The following ADGRA3 variants were observed in gnomAD, a reference collection of about 807,000 sequenced individuals.
ADGRA3 encodes the protein G-protein coupled receptor 125.
ADGRA3 carries 56 observed loss-of-function variants against 119.8 expected under a neutral mutation model. The ratio of observed to expected loss-of-function variants is 0.47; its 90% CI spans 0.38 to 0.58. The LOEUF is 0.58. Among genes scored for constraint, ADGRA3 ranks in the 20% least tolerant of loss-of-function variants. The probability of loss-of-function intolerance (pLI) is 0.00; values close to 1 mark genes in which losing one functional copy is unlikely to be tolerated. For missense variants in ADGRA3, 1,516 were observed against 1,649.0 expected (o/e 0.92, Z 1.40); for synonymous variants, 607 against 623.8 (o/e 0.97, Z 0.40).
At chr4:22,418,500 T>A (rs756776593) in intron 12 of ADGRA3, among the ~76,000 whole-genome samples, 1 of 152,052 alleles carries the variant, frequency 6.6e-6, no homozygotes, top group Non-Finnish European at 1.5e-5. Flanking sequence ...GTAGGAGAAT[T>A]AGCACAAGCC....
At position 22,435,416 on chromosome 4, in the gene ADGRA3, A is replaced by C. The variant is rs1560315396; in HGVS notation, c.1338T>G (p.Ala446=). ...AAAAGTTGGCTGCTTCCACAGTGTAAGCCAGTAACTGTCGAGCTGTTGCCA... is the reference window on the plus strand; with the variant it reads ...AAAAGTTGGCTGCTTCCACAGTGTACGCCAGTAACTGTCGAGCTGTTGCCA... ...NAVATARQLL[A]YTVEAANFSD... Residue 446 remains alanine, a synonymous_variant, in exon 10 of 19, where the codon GCT becomes GCG. Transcript: ENST00000334304. The C allele has an allele frequency of 2.5e-6, 4 of 1,612,158 alleles. No individual in the cohort carries two copies. The highest frequency in any genetic ancestry group is 3.4e-6 in the Non-Finnish European group (4 of 1,178,440).
chr4:22,515,704 C>T lies in ADGRA3; in HGVS notation c.81G>A (p.Leu27=). The T allele has an allele frequency of 9.4e-7, 1 of 1,069,322 alleles. No homozygotes were observed. The highest frequency in any genetic ancestry group is 4.3e-5 in the South Asian group (1 of 23,254). The allele number at this position is 1,069,322 out of a possible 1,614,324, so 66.2% of individuals were successfully genotyped here. ...CGCCGCCGCCGCCGCCGCCTCCCAG[C>T]AGCGCGAGCAGCGCTAACAGCGAGA... The part of the protein sequence containing the change: ...LPLSLLALLA[L]LGGGGGGGAA... Residue 27 remains leucine (L), a synonymous_variant, in exon 1 of 19, where the codon CTG becomes CTA. Coordinates refer to ENST00000334304, the MANE Select transcript of ADGRA3 (RefSeq NM_145290.4).
intron 1 of ADGRA3, among the ~76,000 whole-genome samples, chr4:22,483,301 A>G (rs1322557447): frequency 6.6e-5 from 10 of 152,180 alleles, no homozygotes; most frequent in African/African-American, 2.4e-4. Context: ...AAGGTCCCAC[A>G]ACATCTGTGC....
At chr4:22,449,348 C>T (rs1042498828) in intron 4 of ADGRA3, among the ~76,000 whole-genome samples, 1 of 151,792 alleles carries the variant, frequency 6.6e-6, no homozygotes, top group Non-Finnish European at 1.5e-5. Flanking sequence ...TGAAGCTATC[C>T]CATTTTAAAT....
intron 14 of ADGRA3, among the ~76,000 whole-genome samples, chr4:22,410,554 T>C (rs1366166748): frequency 1.3e-5 from 2 of 152,160 alleles, no homozygotes; most frequent in African/African-American, 4.8e-5. Flanking sequence ...TATCCCAAGA[T>C]AGGAATTTAG....
At position 22,388,243 on chromosome 4, in the gene ADGRA3, G is replaced by A. The variant is rs200450492; in HGVS notation, c.3428C>T (p.Thr1143Ile). Residue 1143 changes from threonine (T) to isoleucine (I), a missense_variant, in exon 19 of 19, where the codon ACA becomes ATA. Thr to Ile is a moderately conservative substitution (Grantham distance 89). Coordinates refer to ENST00000334304, the MANE Select transcript of ADGRA3 (RefSeq NM_145290.4). Reference sequence around the variant, plus strand: ...AATATCATTGTCCATTGAATGTTCTGTCAGACTATTATCAAGCTGAGGGGT... The same window carrying A: ...AATATCATTGTCCATTGAATGTTCTATCAGACTATTATCAAGCTGAGGGGT... ...NSTPQLDNSLTEHSMDNDIKM... is the reference protein window; with the variant it reads ...NSTPQLDNSLIEHSMDNDIKM... 1.2e-6 allele frequency: 2 copies of A among 1,614,012 alleles called. No homozygotes were observed. Among genetic ancestry groups the A allele is most frequent in the East Asian group, 4.5e-5 (2 of 44,850 alleles).
intron 1 of ADGRA3, among the ~76,000 whole-genome samples, chr4:22,490,707 T>C (rs1287104304): frequency 1.3e-5 from 2 of 152,160 alleles, no homozygotes; most frequent in Non-Finnish European, 2.9e-5. Flanking sequence ...TTTCTGAACT[T>C]TGCTGTAAAA....
In ADGRA3 at chr4:22,423,900, T is replaced by C. The variant is rs1715814731; in HGVS notation, c.1605+291A>G. ...ACATTCAAATTAAAGATTAAGAAAGTATTTTCCAGTTCCCAAGAAAACATT... is the reference window on the plus strand; with the variant it reads ...ACATTCAAATTAAAGATTAAGAAAGCATTTTCCAGTTCCCAAGAAAACATT... On this transcript the variant is annotated intron_variant, in intron 11 of 18. Transcript: ENST00000334304. Among the ~76,000 whole-genome samples, 2 of 152,216 alleles carry C rather than the reference T, an allele frequency of 1.3e-5. 1 individual carries two copies. Among genetic ancestry groups the C allele is most frequent in the South Asian group, 4.1e-4 (2 of 4,832 alleles).
chr4:22,414,751 C>T, intron 12 of ADGRA3: 1 of 571,166 alleles, frequency 1.8e-6, no homozygotes, highest in South Asian at 2.3e-5. Flanking sequence ...GCTCCTATAG[C>T]ACAACCTAAA....
At chr4:22,509,803 G>T (rs1488814719) in intron 1 of ADGRA3, among the ~76,000 whole-genome samples, 1 of 151,926 alleles carries the variant, frequency 6.6e-6, no homozygotes, top group Non-Finnish European at 1.5e-5. Context: ...GAGGTCAGGA[G>T]ATCGAGACCA....
intron 1 of ADGRA3, among the ~76,000 whole-genome samples, chr4:22,498,252 C>CAG (rs113457641): frequency 6.6e-6 from 1 of 151,526 alleles, no homozygotes; most frequent in Non-Finnish European, 1.5e-5. Flanking sequence ...GTTTCACAAA[C>CAG]AAAAAATAAA....
chr4:22,452,574 A>G (rs1470038923), intron 4 of ADGRA3, among the ~76,000 whole-genome samples: 1 of 152,194 alleles, frequency 6.6e-6, no homozygotes, highest in Non-Finnish European at 1.5e-5. Context: ...TAACAGGTAT[A>G]AGATAACTGG....
intron 11 of ADGRA3, among the ~76,000 whole-genome samples, chr4:22,422,318 A>T (rs1715738345): frequency 6.6e-6 from 1 of 152,224 alleles, no homozygotes; most frequent in Admixed American, 6.5e-5. Context: ...ATACAAATTT[A>T]AAAATACAAA....
At chr4:22,435,498 A>G in intron 9 of ADGRA3, 32 bp from the exon 10 acceptor site, 1 of 1,556,626 alleles carries the variant, frequency 6.4e-7, no homozygotes, top group East Asian at 2.3e-5. Flanking sequence ...GATCAACAAA[A>G]CAGTCATTAG....
chr4:22,454,989 G>A (rs772770868), intron 3 of ADGRA3, 52 bp from the exon 4 acceptor site: 3 of 1,271,658 alleles, frequency 2.4e-6, no homozygotes, highest in Admixed American at 1.7e-5. Flanking sequence ...GGTTAAAGAA[G>A]GTCTCATGCA....
intron 1 of ADGRA3, among the ~76,000 whole-genome samples, chr4:22,482,930 C>G (rs1179595050): frequency 6.6e-6 from 1 of 152,150 alleles, no homozygotes; most frequent in African/African-American, 2.4e-5. Context: ...GATCTGCCTC[C>G]GTCAATTTTC....
At chr4:22,393,968 G>C (rs1714244371) in intron 16 of ADGRA3, 2 of 152,144 alleles carry the variant, frequency 1.3e-5, no homozygotes, top group Admixed American at 1.3e-4. Context: ...AACTCTAGTT[G>C]AGGATGAAAT....
At chr4:22,513,070 A>T (rs561506994) in intron 1 of ADGRA3, among the ~76,000 whole-genome samples, 1 of 152,120 alleles carries the variant, frequency 6.6e-6, no homozygotes, top group Non-Finnish European at 1.5e-5. Context: ...TAAAATGAGG[A>T]AACTGGCCCA....
chr4:22,505,038 A>G (rs1265425936), intron 1 of ADGRA3, among the ~76,000 whole-genome samples: 51 of 152,150 alleles, frequency 3.4e-4, no homozygotes, highest in Admixed American at 3.3e-3. Flanking sequence ...TGGGACTTGG[A>G]TGGATGCAAG....
Sources: gnomAD v4.1 joint callset for allele counts (sites outside exome capture counted in the v4.1 genomes callset) on GRCh38, gnomAD v4.1.1 for gene constraint, MANE v1.5 for transcripts, NCBI Gene and HGNC (gene_info 2026-07-23, HGNC 2026-07-21) for gene names.